Variants in ZNF804B observed in about 807,000 individuals in gnomAD.
ZNF804B encodes zinc finger protein 804B, also known as zinc finger 804B.
In ZNF804B, 80 loss-of-function variants were observed where a neutral mutation model predicts 101.4. The ratio of observed to expected loss-of-function variants is 0.79; its 90% confidence interval spans 0.66 to 0.95. The LOEUF is 0.95. Ranked by LOEUF, ZNF804B falls within the 40% of genes least tolerant of loss-of-function variation. The probability of loss-of-function intolerance (pLI) is 0.00; values close to 1 mark genes in which losing one functional copy is unlikely to be tolerated. For missense variants in ZNF804B, 1,673 were observed against 1,561.9 expected (o/e 1.07, Z -1.20); for synonymous variants, 622 against 558.8 (o/e 1.11, Z -1.59).
intron 2 of ZNF804B, among the ~76,000 whole-genome samples, chr7:89,278,969 C>G (rs1313850438): frequency 6.6e-6 from 1 of 152,118 alleles, no homozygotes; most frequent in Non-Finnish European, 1.5e-5. Context: ...GATATTGATT[C>G]TTCCTATCCA....
intron 2 of ZNF804B, among the ~76,000 whole-genome samples, chr7:89,313,464 G>A (rs1357447717): frequency 3.3e-5 from 5 of 152,118 alleles, no homozygotes. Flanking sequence ...GTGGTTACTG[G>A]AATAGACAGA....
At chr7:88,896,063 T>A (rs2115940731) in intron 1 of ZNF804B, among the ~76,000 whole-genome samples, 1 of 152,266 alleles carries the variant, frequency 6.6e-6, no homozygotes, top group Non-Finnish European at 1.5e-5. Context: ...GTTGGAGAAA[T>A]CTGACAAGCA....
At chr7:88,860,515 A>G (rs1791629966) in intron 1 of ZNF804B, among the ~76,000 whole-genome samples, 1 of 152,106 alleles carries the variant, frequency 6.6e-6, no homozygotes, top group Admixed American at 6.6e-5. Context: ...ATATTCACAA[A>G]TAAATAATCT....
At chr7:88,842,979 C>A (rs1791310888) in intron 1 of ZNF804B, among the ~76,000 whole-genome samples, 1 of 151,998 alleles carries the variant, frequency 6.6e-6, no homozygotes. Flanking sequence ...TTTCTATAAT[C>A]CTTAAATTAT....
intron 1 of ZNF804B, among the ~76,000 whole-genome samples, chr7:89,130,267 A>T (rs1790528499): frequency 6.6e-6 from 1 of 151,906 alleles, no homozygotes; most frequent in African/African-American, 2.4e-5. Context: ...CCCATTTGCC[A>T]TCCTAAAAGG....
chr7:89,310,311 A>AT (rs1188328551), intron 2 of ZNF804B, among the ~76,000 whole-genome samples: 12 of 152,138 alleles, frequency 7.9e-5, no homozygotes, highest in Admixed American at 2.0e-4. Context: ...TTAGGAGTAA[A>AT]AGAAACCTTA....
intron 1 of ZNF804B, among the ~76,000 whole-genome samples, chr7:89,207,828 TA>T (rs1036476129): frequency 1.3e-5 from 2 of 152,312 alleles, no homozygotes; most frequent in Non-Finnish European, 2.9e-5. Context: ...AGACATTTGG[TA>T]AACATAAACT....
intron 1 of ZNF804B, among the ~76,000 whole-genome samples, chr7:89,124,191 G>A (rs1790445617): frequency 6.6e-6 from 1 of 152,050 alleles, no homozygotes; most frequent in African/African-American, 2.4e-5. Context: ...AGTTAGCTAG[G>A]GAGTTCTGGA....
intron 1 of ZNF804B, among the ~76,000 whole-genome samples, chr7:88,874,832 C>G (rs1791900777): frequency 6.6e-6 from 1 of 150,868 alleles, no homozygotes; most frequent in Non-Finnish European, 1.5e-5. Context: ...ACAGAACTCC[C>G]CACCCCAAAT....
intron 1 of ZNF804B, among the ~76,000 whole-genome samples, chr7:89,006,796 C>T (rs1470399665): frequency 6.6e-6 from 1 of 152,068 alleles, no homozygotes; most frequent in Non-Finnish European, 1.5e-5. Flanking sequence ...CACCTGAGCT[C>T]CTCTGCAAAT....
At chr7:88,850,789 GACAA>G (rs754992390) in intron 1 of ZNF804B, among the ~76,000 whole-genome samples, 109 of 152,000 alleles carry the variant, frequency 7.2e-4, no homozygotes, top group Non-Finnish European at 1.0e-3. Context: ...AAAAAAGCAA[GACAA>G]ACAAACAAAA....
chr7:89,275,674 T>C (rs966932105), intron 2 of ZNF804B, among the ~76,000 whole-genome samples: 1 of 151,980 alleles, frequency 6.6e-6, no homozygotes, highest in Non-Finnish European at 1.5e-5. Flanking sequence ...AAATTTGCAA[T>C]CTCTTTCTTT....
intron 1 of ZNF804B, among the ~76,000 whole-genome samples, chr7:89,210,619 A>G (rs1273386389): frequency 6.6e-6 from 1 of 152,130 alleles, no homozygotes; most frequent in East Asian, 1.9e-4. Flanking sequence ...TTCCTGCATT[A>G]GTTTGCTGAG....
intron 1 of ZNF804B, among the ~76,000 whole-genome samples, chr7:88,886,069 C>T (rs557005655): frequency 8.5e-5 from 13 of 152,160 alleles, no homozygotes; most frequent in African/African-American, 2.6e-4. Context: ...TCTTACATTT[C>T]ACCATAAGAT....
intron 1 of ZNF804B, among the ~76,000 whole-genome samples, chr7:89,024,701 T>C (rs1410196908): frequency 2.2e-5 from 3 of 138,700 alleles, no homozygotes; most frequent in Non-Finnish European, 4.6e-5. Context: ...TAAGAGAGTA[T>C]CCAGTCCTTT....
intron 1 of ZNF804B, among the ~76,000 whole-genome samples, chr7:89,020,818 T>TC (rs1788654522): frequency 1.3e-5 from 2 of 152,196 alleles, no homozygotes; most frequent in African/African-American, 4.8e-5. Flanking sequence ...TTTGGGTTAT[T>TC]TTTATGATGT....
At chr7:88,835,807 C>A (rs1194904042) in intron 1 of ZNF804B, among the ~76,000 whole-genome samples, 1 of 151,446 alleles carries the variant, frequency 6.6e-6, no homozygotes, top group African/African-American at 2.4e-5. Context: ...TAATTATAAG[C>A]AAAATGAAAG....
chr7:88,782,601 G>A (rs1275597650), intron 1 of ZNF804B, among the ~76,000 whole-genome samples: 1 of 152,040 alleles, frequency 6.6e-6, no homozygotes. Context: ...CTTCATCAAA[G>A]AGATATTTTG....
At chr7:89,269,958 A>G (rs1046366353) in intron 2 of ZNF804B, among the ~76,000 whole-genome samples, 3 of 151,940 alleles carry the variant, frequency 2.0e-5, no homozygotes, top group African/African-American at 7.3e-5. Flanking sequence ...TAGATTCTGG[A>G]TATTAGCCCT....
Sources: gnomAD v4.1 joint callset for allele counts (sites outside exome capture counted in the v4.1 genomes callset) on GRCh38, gnomAD v4.1.1 for gene constraint, MANE v1.5 for transcripts, NCBI Gene and HGNC (gene_info 2026-07-23, HGNC 2026-07-21) for gene names.